MTCL1: variants seen among roughly 807,000 people sequenced by gnomAD.
MTCL1 encodes microtubule cross-linking factor 1.
Under a neutral mutation model 141.4 loss-of-function variants are expected in MTCL1, and 79 were observed. The observed-to-expected ratio is 0.56, with a 90% CI of 0.47 to 0.67. The LOEUF is 0.67. MTCL1 is among the 30% of genes least tolerant of loss of function. MTCL1 has a pLI of 0.00. For synonymous variants in MTCL1, 914 were observed against 875.8 expected (o/e 1.04, Z -0.77); for missense variants, 2,177 against 2,113.9 (o/e 1.03, Z -0.59).
intron 4 of MTCL1, among the ~76,000 whole-genome samples, chr18:8,730,858 CTGAT>C (rs2096246536): frequency 6.6e-6 from 1 of 152,198 alleles, no homozygotes; most frequent in Non-Finnish European, 1.5e-5. Context: ...ATGGGAATCT[CTGAT>C]AATGTGCAGG....
intron 3 of MTCL1, among the ~76,000 whole-genome samples, chr18:8,719,205 T>C (rs1339352532): frequency 6.6e-6 from 1 of 152,176 alleles, no homozygotes; most frequent in Non-Finnish European, 1.5e-5. Flanking sequence ...CTTTAAGCCA[T>C]TTTCTCTCCG....
At chr18:8,732,100 T>A (rs1292456386) in intron 4 of MTCL1, among the ~76,000 whole-genome samples, 1 of 152,180 alleles carries the variant, frequency 6.6e-6, no homozygotes, top group Non-Finnish European at 1.5e-5. Context: ...AACTTTATTC[T>A]TTTAATCTTC....
intron 4 of MTCL1, among the ~76,000 whole-genome samples, chr18:8,765,514 CTT>C (rs2096455643): frequency 6.6e-6 from 1 of 152,234 alleles, no homozygotes; most frequent in Non-Finnish European, 1.5e-5. Context: ...GGGCAAGTCA[CTT>C]AACCTTCGCA....
chr18:8,812,936 G>C, intron 11 of MTCL1, 43 bp from the exon 11 acceptor site: 1 of 1,578,554 alleles, frequency 6.3e-7, no homozygotes, highest in Non-Finnish European at 8.6e-7. Flanking sequence ...TTGAATGCAA[G>C]ACTTGTCAGA....
At chr18:8,741,706 C>T (rs554552482) in intron 4 of MTCL1, among the ~76,000 whole-genome samples, 48 of 152,212 alleles carry the variant, frequency 3.2e-4, no homozygotes, top group African/African-American at 7.5e-4. Context: ...TTAATGGGTA[C>T]GGTAAATGAT....
chr18:8,829,425 A>G, intron 16 of MTCL1: 3 of 983,060 alleles, frequency 3.1e-6, no homozygotes, highest in Non-Finnish European at 3.6e-6. Flanking sequence ...TCATTTTTCA[A>G]CAACCATACC....
chr18:8,799,099 T>A (rs1006464367), intron 10 of MTCL1, among the ~76,000 whole-genome samples: 1 of 152,194 alleles, frequency 6.6e-6, no homozygotes, highest in African/African-American at 2.4e-5. Flanking sequence ...CAGGGGCAGG[T>A]GGCCACGGGG....
At chr18:8,825,317 C>T (rs866153605) in exon 15 of MTCL1, 7 of 1,537,476 alleles carry the variant, frequency 4.6e-6, no homozygotes, top group Non-Finnish European at 5.2e-6. Flanking sequence ...GGTTTGCCTC[C>T]CCACTGCACA....
intron 7 of MTCL1, among the ~76,000 whole-genome samples, chr18:8,792,658 G>T (rs2075774260): frequency 1.3e-5 from 2 of 152,178 alleles, no homozygotes; most frequent in Admixed American, 1.3e-4. Context: ...GACCATCCCG[G>T]CGTCCAGAAG....
At chr18:8,728,720 C>CCTT (rs869082248) in intron 4 of MTCL1, among the ~76,000 whole-genome samples, 1 of 59,038 alleles carries the variant, frequency 1.7e-5, no homozygotes, top group African/African-American at 6.7e-5. Flanking sequence ...GTTGTCCATT[C>CCTT]TTTTTTTTTT....
At chr18:8,756,343 A>G (rs1032220448) in intron 4 of MTCL1, among the ~76,000 whole-genome samples, 3 of 148,530 alleles carry the variant, frequency 2.0e-5, no homozygotes, top group Non-Finnish European at 4.4e-5. Context: ...ATGTGTGTGT[A>G]TATATATGTG....
At chr18:8,820,131 C>T (rs1204461099) in intron 13 of MTCL1, among the ~76,000 whole-genome samples, 2 of 151,710 alleles carry the variant, frequency 1.3e-5, no homozygotes, top group South Asian at 2.1e-4. Flanking sequence ...GTTCTAGGGC[C>T]GGATGTGGTG....
At chr18:8,753,766 C>G (rs2096383551) in intron 4 of MTCL1, among the ~76,000 whole-genome samples, 1 of 152,112 alleles carries the variant, frequency 6.6e-6, no homozygotes, top group South Asian at 2.1e-4. Context: ...GAGAAATAGT[C>G]CAGGTAGTGT....
At chr18:8,791,112 C>T (rs1453230713) in intron 7 of MTCL1, among the ~76,000 whole-genome samples, 1 of 152,110 alleles carries the variant, frequency 6.6e-6, no homozygotes, top group Non-Finnish European at 1.5e-5. Flanking sequence ...TAACTGGGAG[C>T]CTTGGGTTTC....
intron 12 of MTCL1, among the ~76,000 whole-genome samples, chr18:8,816,368 T>C (rs1282883448): frequency 1.3e-5 from 2 of 152,248 alleles, no homozygotes; most frequent in Admixed American, 1.3e-4. Context: ...TTCATACTTG[T>C]CCGCTGTCAT....
At chr18:8,808,120 C>G (rs1325390911) in intron 11 of MTCL1, among the ~76,000 whole-genome samples, 6 of 152,202 alleles carry the variant, frequency 3.9e-5, no homozygotes, top group African/African-American at 2.4e-5. Context: ...GGCAGGGACA[C>G]AGCCTTGCAG....
intron 2 of MTCL1, chr18:8,718,000 C>T: frequency 2.0e-6 from 2 of 1,019,796 alleles, no homozygotes; most frequent in Non-Finnish European, 2.4e-6. Context: ...ACTTGTTATC[C>T]TACTGAAGTT....
chr18:8,790,994 G>A (rs554327380), intron 7 of MTCL1, among the ~76,000 whole-genome samples: 59 of 152,240 alleles, frequency 3.9e-4, no homozygotes, highest in Non-Finnish European at 3.8e-4. Context: ...CAGCCTGGGC[G>A]ACAGAGCGAG....
chr18:8,710,880 T>A (rs1298994946), intron 1 of MTCL1, among the ~76,000 whole-genome samples: 1 of 73,322 alleles, frequency 1.4e-5, no homozygotes, highest in African/African-American at 5.3e-5. Flanking sequence ...TTTTTCTTTT[T>A]TTTTTTACTT....
Sources: gnomAD v4.1 joint callset for allele counts (sites outside exome capture counted in the v4.1 genomes callset) on GRCh38, gnomAD v4.1.1 for gene constraint, MANE v1.5 for transcripts, NCBI Gene and HGNC (gene_info 2026-07-23, HGNC 2026-07-21) for gene names.